DGKB: variants seen among roughly 807,000 people sequenced by gnomAD.
DGKB encodes the protein 90 kDa diacylglycerol kinase.
In DGKB, 67 loss-of-function variants were observed where a neutral mutation model predicts 114.3. The observed-to-expected ratio is 0.59, with a 90% CI of 0.48 to 0.72. DGKB has a LOEUF of 0.72. Among genes scored for constraint, DGKB ranks in the 30% least tolerant of loss-of-function variants. The pLI is 0.00. For synonymous variants in DGKB, 398 were observed against 323.1 expected (o/e 1.23, Z -2.49); for missense variants, 907 against 975.2 (o/e 0.93, Z 0.93).
At chr7:14,935,916 G>A (rs758132425) in intron 1 of DGKB, among the ~76,000 whole-genome samples, 3 of 151,956 alleles carry the variant, frequency 2.0e-5, no homozygotes, top group Non-Finnish European at 4.4e-5. Flanking sequence ...AAACTTCTCT[G>A]GTGATGCCCA....
At chr7:14,466,923 A>G (rs1454738804) in intron 21 of DGKB, among the ~76,000 whole-genome samples, 1 of 152,092 alleles carries the variant, frequency 6.6e-6, no homozygotes, top group East Asian at 1.9e-4. Context: ...TCAAGCTACT[A>G]AAGTTCCTAT....
chr7:14,765,275 C>T (rs1836287112), intron 2 of DGKB, among the ~76,000 whole-genome samples: 1 of 152,002 alleles, frequency 6.6e-6, no homozygotes, highest in Admixed American at 6.6e-5. Context: ...GTGCAAGTCA[C>T]TCTCTACTTG....
At chr7:14,782,294 G>A (rs999462376) in intron 2 of DGKB, among the ~76,000 whole-genome samples, 9 of 152,106 alleles carry the variant, frequency 5.9e-5, no homozygotes, top group African/African-American at 1.2e-4. Context: ...TCAAAGTGCT[G>A]GGATTACAGG....
rs575795472 is a variant in DGKB at position 14,469,245 on chromosome 7, T to A, written c.1835+8916A>T. Among the ~76,000 whole-genome samples the A allele has an allele frequency of 2.6e-5, 4 of 152,194 alleles. No homozygotes were observed. The South Asian group carries it at 8.3e-4, about 32-fold the overall frequency. ...CCATTTCTTCATTTATCTTAGATTC[T>A]AAAAATCTAGGCCTTAGCTGAATGC... On this transcript the variant is annotated intron_variant, in intron 21 of 25. Transcript: ENST00000402815.
In DGKB at chr7:14,272,457, TA is replaced by T. The variant is rs1477128419; in HGVS notation, c.2122+66057del. On this transcript the variant is annotated intron_variant, in intron 23 of 25. Transcript: ENST00000402815. ...AAATCTTTATAGGTGGCATAAACTA[TA>T]AAAAATTGAAGATTTAGTTCAGAAA... is the stretch of plus-strand genomic sequence containing the variant. Among the ~76,000 whole-genome samples the T allele has an allele frequency of 3.3e-5, 5 of 152,308 alleles. No homozygotes were observed. The East Asian group carries it at 9.6e-4, about 29-fold the overall frequency.
Position 14,757,664 on chromosome 7 carries a change from A to G in DGKB, c.138T>C (p.Asn46=), listed in dbSNP as rs1480623903. Reference sequence around the variant, plus strand: ...GAAAAAGAAGTTTTACCCCTTCAGGATTATACTTTGCAAGCACACCATTAC... The same window carrying G: ...GAAAAAGAAGTTTTACCCCTTCAGGGTTATACTTTGCAAGCACACCATTAC... ...FHGNGVLAKY[N]PEGKQDILNQ... Residue 46 remains asparagine, a synonymous_variant, in exon 3 of 26, where the codon AAT becomes AAC. Coordinates refer to ENST00000402815, the MANE Select transcript of DGKB (RefSeq NM_001350709.2). 1 of 1,590,452 alleles carries G rather than the reference A, an allele frequency of 6.3e-7. No individual in the cohort carries two copies. Among genetic ancestry groups the G allele is most frequent in the Non-Finnish European group, 8.6e-7 (1 of 1,160,606 alleles).
At chr7:14,229,607 T>C (rs965203546) in intron 23 of DGKB, among the ~76,000 whole-genome samples, 1 of 151,998 alleles carries the variant, frequency 6.6e-6, no homozygotes, top group African/African-American at 2.4e-5. Flanking sequence ...TTTGTTTCTA[T>C]GAAATTTATA....
At chr7:14,749,181 T>G (rs922776590) in intron 4 of DGKB, among the ~76,000 whole-genome samples, 1 of 152,168 alleles carries the variant, frequency 6.6e-6, no homozygotes, top group Non-Finnish European at 1.5e-5. Context: ...TAAAATTCAC[T>G]TAGAAAAATT....
intron 21 of DGKB, among the ~76,000 whole-genome samples, chr7:14,379,507 T>C (rs1431571693): frequency 6.6e-6 from 1 of 151,992 alleles, no homozygotes; most frequent in Non-Finnish European, 1.5e-5. Context: ...TAGTGTCTAG[T>C]AACCCCTTAG....
chr7:14,288,779 C>A (rs1241842357), intron 23 of DGKB, among the ~76,000 whole-genome samples: 2 of 152,120 alleles, frequency 1.3e-5, no homozygotes, highest in Non-Finnish European at 2.9e-5. Flanking sequence ...AGCAAATAGA[C>A]CAGCTGGAAA....
In DGKB at chr7:14,681,463, GAGAGAA is replaced by G. The variant is rs375612346; in HGVS notation, c.1035+1084_1035+1089del. On this transcript the variant is annotated intron_variant, in intron 12 of 25. Coordinates refer to ENST00000402815, the MANE Select transcript of DGKB (RefSeq NM_001350709.2). ...TGTGTGTATGTGTGTGTGTGAGAGA[GAGAGAA>G]AAAGAGAGCATTTAAGAGAATTGTT... Among the ~76,000 whole-genome samples, 519 of 151,694 alleles carry G rather than the reference GAGAGAA, an allele frequency of 3.4e-3. 2 individuals carry two copies. Among genetic ancestry groups the G allele is most frequent in the African/African-American group, 0.011 (473 of 41,430 alleles).
intron 23 of DGKB, among the ~76,000 whole-genome samples, chr7:14,240,056 CAT>C (rs1282077213): frequency 1.3e-5 from 2 of 151,400 alleles, no homozygotes; most frequent in East Asian, 1.9e-4. Flanking sequence ...TGGAAAGAAA[CAT>C]GTGACAAAGT....
intron 1 of DGKB, among the ~76,000 whole-genome samples, chr7:14,934,641 T>C (rs1456159236): frequency 6.6e-6 from 1 of 152,156 alleles, no homozygotes; most frequent in African/African-American, 2.4e-5. Flanking sequence ...CTTTGTTTGG[T>C]TTATAAACTC....
intron 4 of DGKB, among the ~76,000 whole-genome samples, chr7:14,745,564 G>A (rs1833159209): frequency 6.6e-6 from 1 of 152,218 alleles, no homozygotes; most frequent in South Asian, 2.1e-4. Context: ...CACATGCTCA[G>A]TAGGGAAATA....
intron 15 of DGKB, among the ~76,000 whole-genome samples, chr7:14,619,057 C>A: frequency 6.6e-6 from 1 of 150,742 alleles, no homozygotes; most frequent in East Asian, 1.9e-4. Flanking sequence ...TTTTTTTCTC[C>A]AAAACTATGT....
intron 21 of DGKB, among the ~76,000 whole-genome samples, chr7:14,412,980 C>CAAAAAA (rs34787132): frequency 7.1e-6 from 1 of 141,562 alleles, no homozygotes; most frequent in Non-Finnish European, 1.5e-5. Context: ...GACTCCAGCT[C>CAAAAAA]AAAAAAAAAA....
chr7:14,319,778 A>G (rs1807381812), intron 23 of DGKB, among the ~76,000 whole-genome samples: 1 of 152,228 alleles, frequency 6.6e-6, no homozygotes, highest in South Asian at 2.1e-4. Flanking sequence ...ATAGTATGTC[A>G]GGACATGTTC....
chr7:14,366,958 T>A (rs1438611396), intron 21 of DGKB, among the ~76,000 whole-genome samples: 1 of 152,138 alleles, frequency 6.6e-6, no homozygotes, highest in Non-Finnish European at 1.5e-5. Context: ...CCAATTTACA[T>A]GGCTCAACTT....
intron 13 of DGKB, among the ~76,000 whole-genome samples, chr7:14,648,346 C>T (rs967444277): frequency 4.6e-5 from 7 of 152,192 alleles, no homozygotes; most frequent in Non-Finnish European, 7.4e-5. Flanking sequence ...CCCTGACCCC[C>T]GAGCAGCCTA....
Sources: gnomAD v4.1 joint callset for allele counts (sites outside exome capture counted in the v4.1 genomes callset) on GRCh38, gnomAD v4.1.1 for gene constraint, MANE v1.5 for transcripts, NCBI Gene and HGNC (gene_info 2026-07-23, HGNC 2026-07-21) for gene names.